The following PTPRM variants were observed in gnomAD, a reference collection of about 807,000 sequenced individuals.
PTPRM encodes protein tyrosine phosphatase receptor type M, also known as receptor-type tyrosine-protein phosphatase mu.
In PTPRM, 47 loss-of-function variants were observed where a neutral mutation model predicts 186.7. The ratio of observed to expected loss-of-function variants is 0.25; its 90% CI spans 0.20 to 0.32. The LOEUF (loss-of-function observed/expected upper bound fraction) is 0.32, where lower values mean the gene tolerates loss of function less well. Among genes scored for constraint, PTPRM ranks in the 10% least tolerant of loss-of-function variants. The probability of loss-of-function intolerance (pLI) is 1.00; values close to 1 mark genes in which losing one functional copy is unlikely to be tolerated. For missense variants in PTPRM, 1,494 were observed against 1,865.0 expected, an observed-to-expected ratio of 0.80 and a Z score of 3.66; for synonymous variants, 668 against 674.9, an observed-to-expected ratio of 0.99 and a Z score of 0.16.
At position 7,751,785 on chromosome 18, in the gene PTPRM, C is replaced by G. The variant is rs546571788; in HGVS notation, c.74-22364C>G. 3.9e-5 allele frequency among the ~76,000 whole-genome samples: 6 copies of G among 152,328 alleles called. No homozygotes were observed. In the East Asian group the frequency reaches 1.2e-3, roughly 29 times the overall value. ...TGGTATACACTAACTACTGCAAAAG[C>G]CTTCAACCTAGTCAGTTCACTCTCT... On this transcript the variant is annotated intron_variant, in intron 1 of 32. Coordinates refer to ENST00000580170, the MANE Select transcript of PTPRM (RefSeq NM_001105244.2).
intron 3 of PTPRM, among the ~76,000 whole-genome samples, chr18:7,896,611 TAA>T (rs1024981440): frequency 1.3e-5 from 2 of 152,174 alleles, no homozygotes; most frequent in Non-Finnish European, 2.9e-5. Context: ...AATGGGAGGA[TAA>T]AGTTATCAAA....
At chr18:7,936,505 G>A (rs992127937) in intron 5 of PTPRM, among the ~76,000 whole-genome samples, 5 of 152,168 alleles carry the variant, frequency 3.3e-5, no homozygotes, top group East Asian at 3.9e-4. Flanking sequence ...GCCCCCTGCC[G>A]CCTCAGCCCC....
rs532511233 is a variant in PTPRM at position 8,063,312 on chromosome 18, C to T, written c.1133-6374C>T. 1.3e-3 allele frequency among the ~76,000 whole-genome samples: 200 copies of T among 150,862 alleles called. 3 individuals are homozygous for T. The highest frequency in any genetic ancestry group is 2.0e-3 in the Non-Finnish European group (135 of 68,010). ...GGTGAGGCAATGCCTCGCCCTGCTT[C>T]GGCTTGCGCACACCCACTGGCCTGC... On this transcript the variant is annotated intron_variant, in intron 7 of 32. Transcript: ENST00000580170.
At chr18:7,823,543 G>C (rs970580047) in intron 2 of PTPRM, among the ~76,000 whole-genome samples, 2 of 152,178 alleles carry the variant, frequency 1.3e-5, no homozygotes, top group Non-Finnish European at 2.9e-5. Context: ...GGGAAAGGCA[G>C]ACCCACCCTC....
chr18:8,097,793 AG>A (rs1351031474), intron 11 of PTPRM, among the ~76,000 whole-genome samples: 3 of 152,210 alleles, frequency 2.0e-5, no homozygotes, highest in Admixed American at 2.0e-4. Flanking sequence ...GAAGTTAAAG[AG>A]ACCTAAACAG....
At chr18:7,591,503 G>A (rs999724260) in intron 1 of PTPRM, among the ~76,000 whole-genome samples, 1 of 152,108 alleles carries the variant, frequency 6.6e-6, no homozygotes, top group Admixed American at 6.5e-5. Context: ...AAGTTCAGAA[G>A]TATTCTAAAG....
Position 7,671,076 on chromosome 18 carries a change from C to T in PTPRM, c.74-103073C>T, listed in dbSNP as rs187314683. On this transcript the variant is annotated intron_variant, in intron 1 of 32. Coordinates refer to ENST00000580170, the MANE Select transcript of PTPRM (RefSeq NM_001105244.2). ...AGATGTTAAAGATAAACATTTTTAT[C>T]GTTGAATGAGTCCCTGAGTTTCAGC... Among the ~76,000 whole-genome samples the T allele has an allele frequency of 4.6e-3, 704 of 152,222 alleles. 5 individuals carry two copies. The highest frequency in any genetic ancestry group is 0.016 in the African/African-American group (656 of 41,552).
intron 21 of PTPRM, among the ~76,000 whole-genome samples, chr18:8,316,616 C>T (rs775810221): frequency 9.9e-5 from 15 of 152,052 alleles, no homozygotes; most frequent in Non-Finnish European, 2.2e-4. Flanking sequence ...AACTGTGAAC[C>T]GTTCAAACCA....
At chr18:8,210,236 G>A (rs574776833) in intron 14 of PTPRM, among the ~76,000 whole-genome samples, 16 of 152,196 alleles carry the variant, frequency 1.1e-4, no homozygotes, top group South Asian at 1.0e-3. Flanking sequence ...TATTGAACCC[G>A]GGAGGCGGAG....
At chr18:8,112,277 T>C (rs911193976) in intron 11 of PTPRM, among the ~76,000 whole-genome samples, 4 of 152,386 alleles carry the variant, frequency 2.6e-5, no homozygotes, top group African/African-American at 9.6e-5. Context: ...ATTTTGTTTC[T>C]GTAATAGAAG....
In PTPRM at chr18:7,774,122, A is replaced by G. The variant is rs376669955; in HGVS notation, c.74-27A>G. 2.2e-5 allele frequency: 35 copies of G among 1,592,734 alleles called. No individual in the cohort carries two copies. The African/African-American group carries it at 3.4e-4, about 15-fold the overall frequency. On this transcript the variant is annotated intron_variant, in intron 1 of 32. Coordinates refer to ENST00000580170, the MANE Select transcript of PTPRM (RefSeq NM_001105244.2). ...TTCTAGAGGTCTGGTTGGTATTTACATTACTTTTTATTCTTTTACATTTTA... is the reference window on the plus strand; with the variant it reads ...TTCTAGAGGTCTGGTTGGTATTTACGTTACTTTTTATTCTTTTACATTTTA...
chr18:7,720,715 G>T (rs2144855510), intron 1 of PTPRM, among the ~76,000 whole-genome samples: 1 of 152,194 alleles, frequency 6.6e-6, no homozygotes, highest in African/African-American at 2.4e-5. Flanking sequence ...TCCCATATAA[G>T]GAGAATCATA....
chr18:8,104,966 A>C lies in PTPRM; in HGVS notation c.1857-8520A>C, dbSNP rs148548625. ...GTGGCTTTTTAATTGTTCCCTTTTT[A>C]TTTATTGGAGAAATGCAGACTGCAG... On this transcript the variant is annotated intron_variant, in intron 11 of 32. Transcript: ENST00000580170. Among the ~76,000 whole-genome samples, 882 of 152,032 alleles carry C rather than the reference A, an allele frequency of 5.8e-3. 6 individuals carry two copies. Among genetic ancestry groups the C allele is most frequent in the African/African-American group, 0.02 (835 of 41,430 alleles).
chr18:7,980,079 G>A (rs1188690290), intron 7 of PTPRM, among the ~76,000 whole-genome samples: 2 of 151,612 alleles, frequency 1.3e-5, no homozygotes, highest in African/African-American at 4.8e-5. Context: ...CCCCTTGGCC[G>A]TGCCTGTCTT....
At chr18:8,310,944 T>C (rs1418362535) in intron 20 of PTPRM, among the ~76,000 whole-genome samples, 1 of 152,156 alleles carries the variant, frequency 6.6e-6, no homozygotes, top group Non-Finnish European at 1.5e-5. Context: ...TGGTTAGGAA[T>C]GATTAGGTAA....
intron 14 of PTPRM, among the ~76,000 whole-genome samples, chr18:8,184,524 C>T (rs933390494): frequency 2.0e-5 from 3 of 152,110 alleles, no homozygotes; most frequent in African/African-American, 7.2e-5. Flanking sequence ...GAAGGGGAGC[C>T]TCGGCCCGAG....
chr18:7,902,747 C>T (rs1216036370), intron 3 of PTPRM, among the ~76,000 whole-genome samples: 1 of 151,516 alleles, frequency 6.6e-6, no homozygotes. Context: ...CGTAAAACTT[C>T]TGAGTCATCC....
intron 19 of PTPRM, among the ~76,000 whole-genome samples, chr18:8,263,250 A>AGGC (rs1011539626): frequency 2.0e-5 from 3 of 152,050 alleles, no homozygotes; most frequent in African/African-American, 7.2e-5. Flanking sequence ...CTGGGACTAC[A>AGGC]GGCAAGCACC....
chr18:7,961,254 C>T (rs756797681), intron 7 of PTPRM, among the ~76,000 whole-genome samples: 15 of 152,188 alleles, frequency 9.9e-5, no homozygotes, highest in Non-Finnish European at 1.5e-4. Flanking sequence ...AACTGAAACA[C>T]TGCATCCACT....
Sources: allele counts gnomAD v4.1 joint callset (sites outside exome capture counted in the v4.1 genomes callset), GRCh38; gene constraint gnomAD v4.1.1; transcripts MANE v1.5; gene names NCBI Gene and HGNC (gene_info 2026-07-23, HGNC 2026-07-21).